Variants in SAP30BP observed in about 807,000 individuals in gnomAD.
SAP30BP encodes the protein SAP30 binding protein, also known as SAP30-binding protein.
A neutral mutation model predicts 46.3 loss-of-function variants in SAP30BP; 31 were observed. The ratio of observed to expected loss-of-function variants is 0.67; its 90% CI spans 0.50 to 0.90. The LOEUF (loss-of-function observed/expected upper bound fraction) is 0.90. SAP30BP is among the 40% of genes least tolerant of loss of function. The pLI is 0.00. For missense variants in SAP30BP, 312 were observed against 391.0 expected, an observed-to-expected ratio of 0.80 and a Z score of 1.70; for synonymous variants, 169 against 144.2, an observed-to-expected ratio of 1.17 and a Z score of -1.23.
At chr17:75,667,720 TAGAC>T (rs1243755952) in intron 1 of SAP30BP, among the ~76,000 whole-genome samples, 12 of 152,354 alleles carry the variant, frequency 7.9e-5, no homozygotes, top group African/African-American at 2.4e-4. Flanking sequence ...GCTATAGTGA[TAGAC>T]AGAGGGATGG....
chr17:75,707,805 G>A lies in SAP30BP; in HGVS notation c.*1284G>A, dbSNP rs900846327. The A allele has an allele frequency of 6.6e-6, 1 of 152,160 alleles. No homozygotes were observed. The highest frequency in any genetic ancestry group is 6.5e-5 in the Admixed American group (1 of 15,268). 9.4% of individuals were successfully genotyped at this position (152,160 alleles called of 1,614,324 possible). On this transcript the variant is annotated 3_prime_UTR_variant, in exon 11 of 11. Transcript: ENST00000584667. ...TGTGAAAAGGCTTCCTGTGACCTCC[G>A]ATGGCGGCCCCTCATTGGCCAAGGG... is the stretch of plus-strand genomic sequence containing the variant.
In SAP30BP at chr17:75,669,565, A is replaced by T. The variant is rs554235377; in HGVS notation, c.216+940A>T. Among the ~76,000 whole-genome samples, 223 of 151,924 alleles carry T rather than the reference A, an allele frequency of 1.5e-3. 1 individual carries two copies. The highest frequency in any genetic ancestry group is 4.7e-3 in the African/African-American group (196 of 41,422). On this transcript the variant is annotated intron_variant, in intron 2 of 10. Transcript: ENST00000584667. ...GCCGATTTTTAAAATTTAAAAAAAA[A>T]TTTTTTGTAGAGACGTTGTTTCACT... is the stretch of plus-strand genomic sequence containing the variant.
chr17:75,705,760 G>A (rs1044763617), intron 9 of SAP30BP: 30 of 1,096,556 alleles, frequency 2.7e-5, no homozygotes, highest in Non-Finnish European at 3.1e-5. Context: ...GGGGGGTGCC[G>A]GGCATGTGCA....
chr17:75,679,063 A>C (rs370273684), intron 3 of SAP30BP, among the ~76,000 whole-genome samples: 1 of 141,962 alleles, frequency 7.0e-6, no homozygotes, highest in Non-Finnish European at 1.5e-5. Context: ...GCTCCATCTC[A>C]GCTCACTGCA....
chr17:75,675,041 A>T (rs765166148), intron 3 of SAP30BP, among the ~76,000 whole-genome samples: 1 of 152,174 alleles, frequency 6.6e-6, no homozygotes, highest in Non-Finnish European at 1.5e-5. Context: ...AGAATATGTT[A>T]CAAGTGTGGA....
At chr17:75,686,319 C>A (rs1171333607) in intron 3 of SAP30BP, among the ~76,000 whole-genome samples, 2 of 152,012 alleles carry the variant, frequency 1.3e-5, no homozygotes, top group Non-Finnish European at 2.9e-5. Context: ...AGATCGAGAC[C>A]ATCCTGGCTA....
intron 4 of SAP30BP, among the ~76,000 whole-genome samples, chr17:75,696,747 G>C (rs1380761873): frequency 6.7e-6 from 1 of 148,302 alleles, no homozygotes; most frequent in East Asian, 2.0e-4. Flanking sequence ...GCCCTGGACT[G>C]AGGAGGGGCT....
At chr17:75,704,575 C>G in intron 8 of SAP30BP, 181 bp from the exon 9 acceptor site, 1 of 604,386 alleles carries the variant, frequency 1.7e-6, no homozygotes, top group Non-Finnish European at 3.0e-6. Flanking sequence ...GCCCGCCAGT[C>G]TGGAGCTGAA....
Position 75,706,553 on chromosome 17 carries a change from C to A in SAP30BP, c.*32C>A. On this transcript the variant is annotated 3_prime_UTR_variant, in exon 11 of 11. Transcript: ENST00000584667. This position sits in a 1 kb window ranked among gnomAD's most constrained non-coding sequence, Gnocchi z 4.6. ...GGGCCACCCTAGGACTTGAAAGGAC[C>A]GTGCAGCCCAGTGACCACTGCCCAG... The A allele has an allele frequency of 3.7e-6, 6 of 1,602,520 alleles. No individual in the cohort carries two copies. Among genetic ancestry groups the A allele is most frequent in the South Asian group, 1.1e-5 (1 of 90,608 alleles).
intron 8 of SAP30BP, among the ~76,000 whole-genome samples, chr17:75,704,250 G>C (rs2060460159): frequency 6.6e-6 from 1 of 152,220 alleles, no homozygotes; most frequent in East Asian, 1.9e-4. Context: ...TCTGAGGCCA[G>C]TGAGAGGATG....
At chr17:75,687,882 C>T (rs2060180476) in intron 3 of SAP30BP, among the ~76,000 whole-genome samples, 1 of 150,792 alleles carries the variant, frequency 6.6e-6, no homozygotes, top group Non-Finnish European at 1.5e-5. Context: ...GGTGTGGAAC[C>T]TAAACTTGAC....
Position 75,676,520 on chromosome 17 carries a change from C to A in SAP30BP, c.264+4657C>A, listed in dbSNP as rs141105054. ...TCATTTTCAATATGTGCTATCAGAG[C>A]TTTCCTTGAAGTAACAGGCTTTGGT... On this transcript the variant is annotated intron_variant, in intron 3 of 10. Transcript: ENST00000584667. 2.8e-4 allele frequency among the ~76,000 whole-genome samples: 42 copies of A among 152,328 alleles called. No individual in the cohort carries two copies. In the East Asian group the frequency reaches 7.5e-3, roughly 27 times the overall value.
At chr17:75,688,868 G>A (rs1197366959) in intron 3 of SAP30BP, among the ~76,000 whole-genome samples, 1 of 152,142 alleles carries the variant, frequency 6.6e-6, no homozygotes, top group Non-Finnish European at 1.5e-5. Flanking sequence ...ACCTACAGTT[G>A]CATCTTCCAA....
chr17:75,705,527 G>A (rs1568325973), intron 9 of SAP30BP: 1 of 734,212 alleles, frequency 1.4e-6, no homozygotes, highest in Non-Finnish European at 1.7e-6. Context: ...GGGAGCTGGT[G>A]CAAGGGGATA....
Position 75,705,994 on chromosome 17 carries a change from C to T in SAP30BP, c.661-14C>T, listed in dbSNP as rs769555729. ...GCTTTGCCTGGTCTTATTCTCTTCC[C>T]TCTCCCTCTCCAGATTGAGTTTGTG... On this transcript the variant is annotated splice_polypyrimidine_tract_variant and intron_variant, in intron 9 of 10. Transcript: ENST00000584667. 4 of 1,612,402 alleles carry T rather than the reference C, an allele frequency of 2.5e-6. No individual in the cohort carries two copies. Among genetic ancestry groups the T allele is most frequent in the South Asian group, 2.2e-5 (2 of 91,062 alleles).
intron 9 of SAP30BP, 100 bp downstream of exon 9, chr17:75,704,914 C>T: frequency 1.1e-6 from 1 of 923,548 alleles, no homozygotes; most frequent in Non-Finnish European, 1.8e-6. Flanking sequence ...CCAACCCTGG[C>T]CCCGTGTCAT....
Position 75,706,228 on chromosome 17 carries a change from G to C in SAP30BP, c.746-112G>C. 6.4e-7 allele frequency: 1 copy of C among 1,551,572 alleles called. No homozygotes were observed. The highest frequency in any genetic ancestry group is 1.2e-5 in the South Asian group (1 of 85,228). On this transcript the variant is annotated intron_variant, in intron 10 of 10. Coordinates refer to ENST00000584667, the MANE Select transcript of SAP30BP (RefSeq NM_013260.8). This position sits in a 1 kb window ranked among gnomAD's most constrained non-coding sequence, Gnocchi z 4.6. ...CTTTGAGAAGCACCTTTGGAGTCTGGGGTGGGCCACTTCGGGGTCTGCTCC... is the reference window on the plus strand; with the variant it reads ...CTTTGAGAAGCACCTTTGGAGTCTGCGGTGGGCCACTTCGGGGTCTGCTCC...
chr17:75,702,875 A>G (rs188190055), intron 6 of SAP30BP: 187 of 308,978 alleles, frequency 6.1e-4, no homozygotes, highest in Non-Finnish European at 9.3e-4. Context: ...CCCTGTCCTC[A>G]TGGAAGGAAT....
At chr17:75,705,824 A>G (rs533298787) in intron 9 of SAP30BP, 184 bp from the exon 10 acceptor site, 1 of 1,075,590 alleles carries the variant, frequency 9.3e-7, no homozygotes, top group South Asian at 1.6e-5. Context: ...TTCTTTTAAG[A>G]GTGAAAAGCC....
Sources: gnomAD v4.1 joint callset for allele counts (sites outside exome capture counted in the v4.1 genomes callset) on GRCh38, gnomAD v4.1.1 for gene constraint, Gnocchi (gnomAD v3.1) non-coding constraint, MANE v1.5 for transcripts, NCBI Gene and HGNC (gene_info 2026-07-23, HGNC 2026-07-21) for gene names.